The following NUMBL variants were observed in gnomAD, a reference collection of about 807,000 sequenced individuals.
The protein encoded by NUMBL is NUMB like endocytic adaptor protein.
NUMBL carries 20 observed loss-of-function variants against 48.9 expected under a neutral mutation model. The observed-to-expected ratio is 0.41, with a 90% confidence interval of 0.29 to 0.59. NUMBL has a LOEUF of 0.59. Among genes scored for constraint, NUMBL ranks in the 20% least tolerant of loss-of-function variants. NUMBL has a pLI of 0.31. For missense variants in NUMBL, 660 were observed against 846.2 expected (o/e 0.78, Z 2.73); for synonymous variants, 340 against 348.7 (o/e 0.98, Z 0.28).
intron 3 of NUMBL, 139 bp downstream of exon 3, chr19:40,684,278 C>T: frequency 2.3e-6 from 2 of 887,858 alleles, no homozygotes; most frequent in Non-Finnish European, 3.3e-6. Context: ...CCGTGATAGC[C>T]AGGACTGCCG....
intron 9 of NUMBL, among the ~76,000 whole-genome samples, chr19:40,668,998 A>T (rs10404911): frequency 0.17 from 25,579 of 151,492 alleles, 2,486 homozygotes; most frequent in African/African-American, 0.26. Context: ...CTAAGATGAT[A>T]CATGGTTCTC....
intron 3 of NUMBL, 69 bp downstream of exon 3, chr19:40,684,348 G>A (rs1420781914): frequency 4.8e-6 from 7 of 1,471,802 alleles, no homozygotes; most frequent in East Asian, 5.1e-5. Context: ...GCCAGGCCGC[G>A]CACCCGCACA....
chr19:40,681,701 C>T (rs997337988), intron 5 of NUMBL, among the ~76,000 whole-genome samples: 1 of 152,212 alleles, frequency 6.6e-6, no homozygotes, highest in Non-Finnish European at 1.5e-5. Flanking sequence ...CAGAAGGAGT[C>T]TTGCTCTGTC....
At chr19:40,674,856 T>A (rs147447704) in intron 7 of NUMBL, among the ~76,000 whole-genome samples, 2 of 152,106 alleles carry the variant, frequency 1.3e-5, no homozygotes, top group East Asian at 3.9e-4. Flanking sequence ...AACAAAAGCA[T>A]GCCTGGACAC....
In NUMBL at chr19:40,673,780, G is replaced by C; in HGVS notation, c.731-131C>G. 1 of 868,148 alleles carries C rather than the reference G, an allele frequency of 1.2e-6. No homozygotes were observed. The highest frequency in any genetic ancestry group is 1.7e-6 in the Non-Finnish European group (1 of 589,528). The allele number at this position is 868,148 out of a possible 1,614,324, so 53.8% of individuals were successfully genotyped here. A position where few individuals can be genotyped will look rare whatever the true frequency, so the allele number is the denominator to read the frequency against. On this transcript the variant is annotated intron_variant, in intron 7 of 9. Coordinates refer to ENST00000252891, the MANE Select transcript of NUMBL (RefSeq NM_004756.5). This position sits in a 1 kb window ranked among gnomAD's most constrained non-coding sequence, Gnocchi z 5.9. ...TGAGTCCTGCCCTTAAGACAAGCTAGTCAAAGCCCTGAGATATCCCTCACC... is the reference window on the plus strand; with the variant it reads ...TGAGTCCTGCCCTTAAGACAAGCTACTCAAAGCCCTGAGATATCCCTCACC...
Position 40,673,306 on chromosome 19 carries a change from T to C in NUMBL, c.1036+38A>G, listed in dbSNP as rs2081857489. 6.4e-7 allele frequency: 1 copy of C among 1,561,338 alleles called. No homozygotes were observed. The highest frequency in any genetic ancestry group is 2.3e-5 in the East Asian group (1 of 44,056). ...CTTGCCCACATCAGATAGTGCCAAT[T>C]GATTCCAACGCCGTTTCCCACTGGG... On this transcript the variant is annotated intron_variant, in intron 8 of 9. Transcript: ENST00000252891. The surrounding 1 kb of genome is among the most constrained non-coding windows in gnomAD (Gnocchi z 5.9).
rs2081815175 is a variant in NUMBL, at chr19:40,667,352, G to T, written c.*116C>A. On this transcript the variant is annotated 3_prime_UTR_variant, in exon 10 of 10. Transcript: ENST00000252891. The surrounding 1 kb of genome is among the most constrained non-coding windows in gnomAD (Gnocchi z 6.1). ...TTGTCGGGGTGGTTGAGGGAGGGGG[G>T]TGTTGAGAGGGTGTTGAGGGGCGCA... 2 of 1,385,946 alleles carry T rather than the reference G, an allele frequency of 1.4e-6. No individual in the cohort carries two copies. The highest frequency in any genetic ancestry group is 2.5e-5 in the East Asian group (1 of 40,140). The allele number at this position is 1,385,946 out of a possible 1,614,324, so 85.9% of individuals were successfully genotyped here.
chr19:40,667,993 TTGC>T lies in NUMBL; in HGVS notation c.1302_1304del (p.Gln446del). On this transcript the variant is annotated inframe_deletion, in exon 10 of 10. Transcript: ENST00000252891. This position sits in a 1 kb window ranked among gnomAD's most constrained non-coding sequence, Gnocchi z 6.1. ...GTTGCTGCTGCTGCTGCTGCTGCTG[TTGC>T]TGTTGCTGCTGCTGCTGCTGCTGGG... The T allele has an allele frequency of 1.3e-5, 7 of 541,344 alleles. No homozygotes were observed. The highest frequency in any genetic ancestry group is 1.6e-5 in the Non-Finnish European group (7 of 448,978). The allele number at this position is 541,344 out of a possible 1,614,324, so 33.5% of individuals were successfully genotyped here.
At chr19:40,675,648 T>C (rs2081872059) in intron 7 of NUMBL, among the ~76,000 whole-genome samples, 1 of 150,858 alleles carries the variant, frequency 6.6e-6, no homozygotes, top group African/African-American at 2.4e-5. Context: ...TTTAACCATT[T>C]ACCTAGAAAG....
At chr19:40,686,560 G>GTC (rs72170626) in intron 2 of NUMBL, among the ~76,000 whole-genome samples, 6 of 151,900 alleles carry the variant, frequency 3.9e-5, no homozygotes, top group African/African-American at 1.5e-4. Flanking sequence ...ATGTGTGTGT[G>GTC]TGTATATATG....
At position 40,688,474 on chromosome 19, in the gene NUMBL, C is replaced by T. The variant is rs1026433527; in HGVS notation, c.25-1479G>A. 3.3e-5 allele frequency among the ~76,000 whole-genome samples: 5 copies of T among 152,202 alleles called. No individual in the cohort carries two copies. The highest frequency in any genetic ancestry group is 1.2e-4 in the African/African-American group (5 of 41,440). Reference sequence around the variant, plus strand: ...TATAGCTGGGTTTACACAGAAGACACAGGTCCTGACGGAGCCATGTGCACA... The same window carrying T: ...TATAGCTGGGTTTACACAGAAGACATAGGTCCTGACGGAGCCATGTGCACA... On this transcript the variant is annotated intron_variant, in intron 1 of 9. Transcript: ENST00000252891. This position sits in a 1 kb window ranked among gnomAD's most constrained non-coding sequence, Gnocchi z 4.6.
chr19:40,684,134 T>A, intron 3 of NUMBL: 1 of 326,312 alleles, frequency 3.1e-6, no homozygotes, highest in Non-Finnish European at 5.7e-6. Context: ...AATGGCGCTA[T>A]CTCGGCTCAC....
intron 8 of NUMBL, among the ~76,000 whole-genome samples, 166 bp from the exon 9 acceptor site, chr19:40,670,186 C>T (rs1220633633): frequency 6.6e-6 from 1 of 152,194 alleles, no homozygotes; most frequent in South Asian, 2.1e-4. Context: ...GTGTGTGTCA[C>T]ATCTGAGCGG....
rs2081910605 is a variant in NUMBL, at chr19:40,682,657, G to A, written c.399+71C>T. 6.9e-7 allele frequency: 1 copy of A among 1,445,028 alleles called. No homozygotes were observed. Among genetic ancestry groups the A allele is most frequent in the South Asian group, 1.2e-5 (1 of 82,462 alleles). The allele number at this position is 1,445,028 out of a possible 1,614,324, so 89.5% of individuals were successfully genotyped here. Reference sequence around the variant, plus strand: ...AGGGATGTGCAGAGGAGGCGGGAAGGTGTCCTCCGCCCTGATTCCAGCAGG... The same window carrying A: ...AGGGATGTGCAGAGGAGGCGGGAAGATGTCCTCCGCCCTGATTCCAGCAGG... On this transcript the variant is annotated intron_variant, in intron 5 of 9. Coordinates refer to ENST00000252891, the MANE Select transcript of NUMBL (RefSeq NM_004756.5). The surrounding 1 kb of genome is among the most constrained non-coding windows in gnomAD (Gnocchi z 4.0).
At chr19:40,686,814 G>T in intron 2 of NUMBL, 97 bp downstream of exon 2, 1 of 781,722 alleles carries the variant, frequency 1.3e-6, no homozygotes, top group Non-Finnish European at 2.2e-6. Flanking sequence ...TCATGAGTGT[G>T]ATTAAGCCTG....
chr19:40,680,656 C>T (rs887844117), intron 6 of NUMBL, among the ~76,000 whole-genome samples: 7 of 152,112 alleles, frequency 4.6e-5, no homozygotes, highest in African/African-American at 1.7e-4. Flanking sequence ...ACCATGTTGT[C>T]CAGGGTGGTC....
intron 2 of NUMBL, 91 bp from the exon 3 acceptor site, chr19:40,684,647 G>A (rs1303569017): frequency 2.7e-6 from 4 of 1,468,942 alleles, no homozygotes; most frequent in Middle Eastern, 1.8e-4. Context: ...GGAGCATGGG[G>A]TCAGATAACA....
Position 40,688,673 on chromosome 19 carries a change from A to T in NUMBL, c.25-1678T>A, listed in dbSNP as rs1228260533. On this transcript the variant is annotated intron_variant, in intron 1 of 9. Coordinates refer to ENST00000252891, the MANE Select transcript of NUMBL (RefSeq NM_004756.5). This position sits in a 1 kb window ranked among gnomAD's most constrained non-coding sequence, Gnocchi z 4.6. ...AGACATGCAGGTCAAACACAATAAT[A>T]TGGAAGCCATAATCATATACACACC... Among the ~76,000 whole-genome samples, 1 of 152,164 alleles carries T rather than the reference A, an allele frequency of 6.6e-6. No homozygotes were observed. Among genetic ancestry groups the T allele is most frequent in the African/African-American group, 2.4e-5 (1 of 41,434 alleles).
At chr19:40,672,979 G>A (rs1488054976) in intron 8 of NUMBL, among the ~76,000 whole-genome samples, 1 of 151,956 alleles carries the variant, frequency 6.6e-6, no homozygotes, top group African/African-American at 2.4e-5. Flanking sequence ...CCTGGCCCAT[G>A]GCAAACTTCC....
Sources: allele counts gnomAD v4.1 joint callset (sites outside exome capture counted in the v4.1 genomes callset), GRCh38; gene constraint gnomAD v4.1.1; non-coding constraint Gnocchi (gnomAD v3.1); transcripts MANE v1.5; gene names NCBI Gene and HGNC (gene_info 2026-07-23, HGNC 2026-07-21).